LCLAT1: variants seen among roughly 807,000 people sequenced by gnomAD.
LCLAT1 encodes the protein lysocardiolipin acyltransferase 1.
Under a neutral mutation model 30.7 loss-of-function variants are expected in LCLAT1, and 11 were observed. The ratio of observed to expected loss-of-function variants is 0.36; its 90% confidence interval spans 0.23 to 0.59. The LOEUF (loss-of-function observed/expected upper bound fraction) is 0.59. Among genes scored for constraint, LCLAT1 ranks in the 20% least tolerant of loss-of-function variants. The probability of loss-of-function intolerance (pLI) is 0.77; values close to 1 mark genes in which losing one functional copy is unlikely to be tolerated. For synonymous variants in LCLAT1, 155 were observed against 151.3 expected, an observed-to-expected ratio of 1.02 and a Z score of -0.18; for missense variants, 402 against 458.6, an observed-to-expected ratio of 0.88 and a Z score of 1.13.
intron 1 of LCLAT1, among the ~76,000 whole-genome samples, chr2:30,449,085 G>C (rs76540579): frequency 0.071 from 10,823 of 152,200 alleles, 637 homozygotes; most frequent in African/African-American, 0.16. Flanking sequence ...TTATTTTGCA[G>C]ATGAGGAAAC....
chr2:30,532,273 G>T (rs571015413), intron 2 of LCLAT1, among the ~76,000 whole-genome samples: 2 of 152,122 alleles, frequency 1.3e-5, no homozygotes, highest in Non-Finnish European at 2.9e-5. Flanking sequence ...GCTATACCTT[G>T]TTCAAGATTA....
chr2:30,502,482 C>A lies in LCLAT1; in HGVS notation c.-4-23105C>A, dbSNP rs368045173. Among the ~76,000 whole-genome samples the A allele has an allele frequency of 1.4e-4, 22 of 152,180 alleles. No homozygotes were observed. The East Asian group carries it at 4.3e-3, about 29-fold the overall frequency. ...CACCACTGTCTAATTTTAGAACCCC[C>A]CCTTCATAAGCTTTGTACTAATTAG... On this transcript the variant is annotated intron_variant, in intron 1 of 5. Transcript: ENST00000379509.
intron 3 of LCLAT1, among the ~76,000 whole-genome samples, chr2:30,534,377 A>G (rs1326614646): frequency 6.6e-6 from 1 of 151,964 alleles, no homozygotes; most frequent in Non-Finnish European, 1.5e-5. Context: ...TCGCAGGTTC[A>G]CGCTGTTCTC....
chr2:30,588,488 A>G (rs926889440), intron 5 of LCLAT1, among the ~76,000 whole-genome samples: 2 of 152,238 alleles, frequency 1.3e-5, no homozygotes, highest in African/African-American at 2.4e-5. Flanking sequence ...TTGTTAGAGC[A>G]GTTAGGAGCC....
chr2:30,459,859 C>T (rs1682023709), intron 1 of LCLAT1: 4 of 565,338 alleles, frequency 7.1e-6, no homozygotes, highest in South Asian at 5.1e-5. Flanking sequence ...GTTCTATAAC[C>T]TTTTCATTGA....
intron 1 of LCLAT1, among the ~76,000 whole-genome samples, chr2:30,502,973 G>A (rs1684471576): frequency 6.6e-6 from 1 of 152,172 alleles, no homozygotes. Context: ...CAGGCAGTGG[G>A]CCCAGAGTAG....
chr2:30,532,683 G>A (rs1384607567), intron 2 of LCLAT1, among the ~76,000 whole-genome samples: 1 of 151,192 alleles, frequency 6.6e-6, no homozygotes, highest in Non-Finnish European at 1.5e-5. Flanking sequence ...AAACATCATA[G>A]TACAGGATGC....
intron 5 of LCLAT1, among the ~76,000 whole-genome samples, chr2:30,595,509 G>C (rs543326389): frequency 5.3e-5 from 8 of 152,126 alleles, no homozygotes; most frequent in Admixed American, 4.6e-4. Flanking sequence ...CCTGTGCCCT[G>C]GTTTGCAATG....
intron 1 of LCLAT1, among the ~76,000 whole-genome samples, chr2:30,521,743 G>A (rs1239510186): frequency 6.6e-6 from 1 of 151,810 alleles, no homozygotes; most frequent in Non-Finnish European, 1.5e-5. Flanking sequence ...CTGACCTCGT[G>A]ATCTGCTCCC....
chr2:30,539,108 C>A (rs111598652), intron 3 of LCLAT1, among the ~76,000 whole-genome samples: 1 of 151,848 alleles, frequency 6.6e-6, no homozygotes, highest in East Asian at 1.9e-4. Context: ...TACAGGCGCA[C>A]GCCACCACGC....
At chr2:30,629,906 T>A (rs1668688791) in intron 5 of LCLAT1, among the ~76,000 whole-genome samples, 1 of 152,182 alleles carries the variant, frequency 6.6e-6, no homozygotes, top group Non-Finnish European at 1.5e-5. Flanking sequence ...ATAAATTATA[T>A]GACAGTATTA....
At chr2:30,507,630 A>G (rs1239713385) in intron 1 of LCLAT1, among the ~76,000 whole-genome samples, 1 of 148,304 alleles carries the variant, frequency 6.7e-6, no homozygotes, top group Non-Finnish European at 1.5e-5. Context: ...TGTTCCTGCA[A>G]AGGACATGAT....
At chr2:30,540,667 CTTTTTTT>C (rs563391404) in intron 3 of LCLAT1, among the ~76,000 whole-genome samples, 7 of 142,834 alleles carry the variant, frequency 4.9e-5, no homozygotes, top group Non-Finnish European at 1.1e-4. Flanking sequence ...CTTTTCCTTT[CTTTTTTT>C]TTTTTTTGAG....
chr2:30,481,581 C>A (rs567360690), intron 1 of LCLAT1, among the ~76,000 whole-genome samples: 1 of 152,122 alleles, frequency 6.6e-6, no homozygotes, highest in South Asian at 2.1e-4. Flanking sequence ...AGTGGCCATG[C>A]GTGTGGAATG....
chr2:30,527,946 G>C (rs1685798518), intron 2 of LCLAT1, among the ~76,000 whole-genome samples: 1 of 152,136 alleles, frequency 6.6e-6, no homozygotes, highest in South Asian at 2.1e-4. Context: ...AGGCTGGCAA[G>C]GTCCCTACGG....
intron 5 of LCLAT1, among the ~76,000 whole-genome samples, chr2:30,568,985 G>C (rs910232439): frequency 6.6e-6 from 1 of 150,644 alleles, no homozygotes; most frequent in East Asian, 2.0e-4. Context: ...GAAATATAAC[G>C]ATCTGAAAAA....
intron 3 of LCLAT1, chr2:30,552,389 G>T: frequency 3.2e-6 from 1 of 316,368 alleles, no homozygotes; most frequent in Non-Finnish European, 6.4e-6. Flanking sequence ...TCCACTTTTT[G>T]GTGTGTCAAG....
intron 5 of LCLAT1, among the ~76,000 whole-genome samples, chr2:30,573,105 G>T (rs1197779777): frequency 1.3e-5 from 2 of 152,172 alleles, no homozygotes; most frequent in South Asian, 2.1e-4. Context: ...GTTAAAAATT[G>T]GAAAATTAAT....
intron 1 of LCLAT1, among the ~76,000 whole-genome samples, chr2:30,465,875 A>G (rs1682394160): frequency 6.6e-6 from 1 of 152,234 alleles, no homozygotes; most frequent in South Asian, 2.1e-4. Flanking sequence ...TTTAACAGAA[A>G]GAATTTCAAG....
Sources: allele counts gnomAD v4.1 joint callset (sites outside exome capture counted in the v4.1 genomes callset), GRCh38; gene constraint gnomAD v4.1.1; transcripts MANE v1.5; gene names NCBI Gene and HGNC (gene_info 2026-07-23, HGNC 2026-07-21).